ANO10: variants seen among roughly 807,000 people sequenced by gnomAD.
ANO10 encodes anoctamin-10.
In ANO10, 77 loss-of-function variants were observed where a neutral mutation model predicts 74.7. The ratio of observed to expected loss-of-function variants is 1.03; its 90% CI spans 0.86 to 1.25. The LOEUF is 1.25. Ranked by LOEUF, ANO10 falls within the 50% of genes most tolerant of loss-of-function variation. The pLI is 0.00. For missense variants in ANO10, 721 were observed against 778.1 expected, an observed-to-expected ratio of 0.93 and a Z score of 0.87; for synonymous variants, 279 against 284.9, an observed-to-expected ratio of 0.98 and a Z score of 0.21.
At chr3:43,510,072 T>C (rs902738481) in intron 11 of ANO10, among the ~76,000 whole-genome samples, 1 of 152,098 alleles carries the variant, frequency 6.6e-6, no homozygotes, top group Non-Finnish European at 1.5e-5. Context: ...CCCATGGTAA[T>C]GGAGCAGTCC....
At chr3:43,594,802 CA>C (rs1197922036) in intron 4 of ANO10, among the ~76,000 whole-genome samples, 1 of 151,960 alleles carries the variant, frequency 6.6e-6, no homozygotes, top group Non-Finnish European at 1.5e-5. Flanking sequence ...AAAAACCCTT[CA>C]AAAAATCAAT....
chr3:43,453,553 G>GA (rs2074981575), intron 11 of ANO10, among the ~76,000 whole-genome samples: 1 of 152,128 alleles, frequency 6.6e-6, no homozygotes, highest in Non-Finnish European at 1.5e-5. Context: ...AAATCACAAA[G>GA]ATTTACATCC....
chr3:43,507,181 C>T (rs992908342), intron 11 of ANO10, among the ~76,000 whole-genome samples: 4 of 152,216 alleles, frequency 2.6e-5, no homozygotes, highest in Non-Finnish European at 5.9e-5. Context: ...GTACATTTCT[C>T]TCTGTATCCA....
At position 43,661,812 on chromosome 3, in the gene ANO10, C is replaced by T. The variant is rs557049661; in HGVS notation, c.-12+29705G>A. 5.8e-4 allele frequency among the ~76,000 whole-genome samples: 88 copies of T among 152,196 alleles called. 1 individual carries two copies. The highest frequency in any genetic ancestry group is 2.0e-3 in the African/African-American group (85 of 41,516). On this transcript the variant is annotated intron_variant, in intron 1 of 3. Coordinates refer to the ANO10 transcript ENST00000413397. ...CAAAGATCAAAAGAGACAAAGAAGG[C>T]CATTACATAAAGGCAAAGGAATCAA...
intron 11 of ANO10, among the ~76,000 whole-genome samples, chr3:43,502,860 T>C (rs193183177): frequency 3.3e-5 from 5 of 152,334 alleles, no homozygotes; most frequent in African/African-American, 9.6e-5. Context: ...ACTCCACTTA[T>C]ATCAGATACC....
chr3:43,578,740 A>C (rs2081125243), intron 5 of ANO10, among the ~76,000 whole-genome samples: 1 of 118,516 alleles, frequency 8.4e-6, no homozygotes, highest in Non-Finnish European at 1.6e-5. Context: ...ACAGAGCAAG[A>C]CTCCATCTCA....
rs1336027493 is a variant in ANO10 at position 43,576,579 on chromosome 3, G to A, written c.1162+113C>T. 8 of 1,124,278 alleles carry A rather than the reference G, an allele frequency of 7.1e-6. No homozygotes were observed. The Admixed American group carries it at 1.4e-4, about 20-fold the overall frequency. The allele number at this position is 1,124,278 out of a possible 1,614,324, so 69.6% of individuals were successfully genotyped here. On this transcript the variant is annotated intron_variant, in intron 6 of 12. Transcript: ENST00000292246. Reference sequence around the variant, plus strand: ...AAATTTTTCCTTATGTCTCTATAATGAGCCAAGAGCAACATCTATTTTCTC... The same window carrying A: ...AAATTTTTCCTTATGTCTCTATAATAAGCCAAGAGCAACATCTATTTTCTC...
chr3:43,597,853 G>A (rs572168508), intron 4 of ANO10, among the ~76,000 whole-genome samples: 16 of 152,162 alleles, frequency 1.1e-4, no homozygotes, highest in Middle Eastern at 3.4e-3. Context: ...AGGAGATGGA[G>A]GCCACAGTGA....
At chr3:43,543,897 A>G (rs1284375420) in intron 11 of ANO10, among the ~76,000 whole-genome samples, 1 of 152,210 alleles carries the variant, frequency 6.6e-6, no homozygotes, top group African/African-American at 2.4e-5. Flanking sequence ...ACCTTAGAAA[A>G]AGAACCAAAT....
At chr3:43,472,553 A>G (rs1048319760) in intron 11 of ANO10, 8 of 151,678 alleles carry the variant, frequency 5.3e-5, no homozygotes, top group African/African-American at 1.5e-4. Context: ...TCCTTGTTCC[A>G]CTCTTTCCCC....
At chr3:43,597,620 G>A (rs1249889825) in intron 4 of ANO10, among the ~76,000 whole-genome samples, 1 of 151,974 alleles carries the variant, frequency 6.6e-6, no homozygotes, top group African/African-American at 2.4e-5. Flanking sequence ...TGTAGGGTGG[G>A]GGCATGGGGG....
intron 11 of ANO10, among the ~76,000 whole-genome samples, chr3:43,524,646 C>A (rs1039416402): frequency 1.3e-5 from 2 of 152,202 alleles, no homozygotes; most frequent in African/African-American, 4.8e-5. Context: ...GTCCACCCAA[C>A]TGCCCACTGG....
chr3:43,382,369 A>C (rs1229401537), intron 12 of ANO10, among the ~76,000 whole-genome samples: 1 of 151,992 alleles, frequency 6.6e-6, no homozygotes, highest in East Asian at 1.9e-4. Flanking sequence ...AATACAAAAA[A>C]TTAGCCGGGC....
At chr3:43,640,610 A>T (rs2083662083) in intron 1 of ANO10, among the ~76,000 whole-genome samples, 1 of 152,242 alleles carries the variant, frequency 6.6e-6, no homozygotes, top group Non-Finnish European at 1.5e-5. Context: ...AGAAGAGCAC[A>T]CACTCCCAAA....
intron 1 of ANO10, among the ~76,000 whole-genome samples, chr3:43,652,200 AAAG>A (rs1471463647): frequency 1.3e-5 from 2 of 152,136 alleles, no homozygotes; most frequent in East Asian, 1.9e-4. Flanking sequence ...CTATTTTGAA[AAAG>A]AAGAACAAAG....
intron 1 of ANO10, among the ~76,000 whole-genome samples, chr3:43,646,940 A>G (rs552800979): frequency 1.3e-5 from 2 of 152,320 alleles, no homozygotes; most frequent in South Asian, 4.1e-4. Flanking sequence ...GGGGTACAAC[A>G]TCTGGAAGGT....
At chr3:43,429,292 C>T (rs139099314) in intron 12 of ANO10, among the ~76,000 whole-genome samples, 1 of 152,138 alleles carries the variant, frequency 6.6e-6, no homozygotes, top group African/African-American at 2.4e-5. Context: ...CAAGAAGAAT[C>T]CTTTCCTTTT....
At chr3:43,425,323 C>T (rs2092882808) in intron 12 of ANO10, among the ~76,000 whole-genome samples, 1 of 151,236 alleles carries the variant, frequency 6.6e-6, no homozygotes, top group African/African-American at 2.4e-5. Context: ...GCCACTGTGC[C>T]CAGCCTCTAT....
chr3:43,387,311 C>T (rs1052991492), intron 12 of ANO10, among the ~76,000 whole-genome samples: 3 of 152,204 alleles, frequency 2.0e-5, no homozygotes, highest in Non-Finnish European at 2.9e-5. Flanking sequence ...TCACACAGTG[C>T]GTGACTGCAC....
Sources: allele counts gnomAD v4.1 joint callset (sites outside exome capture counted in the v4.1 genomes callset), GRCh38; gene constraint gnomAD v4.1.1; transcripts MANE v1.5; gene names NCBI Gene and HGNC (gene_info 2026-07-23, HGNC 2026-07-21).